The following KAZN variants were observed in gnomAD, a reference collection of about 807,000 sequenced individuals.
The protein encoded by KAZN is kazrin, periplakin interacting protein.
KAZN carries 40 observed loss-of-function variants against 87.4 expected under a neutral mutation model. The ratio of observed to expected loss-of-function variants is 0.46; its 90% confidence interval spans 0.36 to 0.60. KAZN has a LOEUF of 0.60. KAZN is among the 20% of genes least tolerant of loss of function. KAZN has a pLI of 0.00. For missense variants in KAZN, 898 were observed against 1,073.9 expected, an observed-to-expected ratio of 0.84 and a Z score of 2.29; for synonymous variants, 466 against 458.3, an observed-to-expected ratio of 1.02 and a Z score of -0.22.
intron 1 of KAZN, among the ~76,000 whole-genome samples, chr1:14,108,871 C>A (rs10928010): frequency 6.6e-6 from 1 of 152,000 alleles, no homozygotes; most frequent in Non-Finnish European, 1.5e-5. Context: ...CACACAGCTA[C>A]GCCTGTGCCA....
chr1:14,249,391 G>A (rs1235855512), intron 2 of KAZN, among the ~76,000 whole-genome samples: 2 of 152,312 alleles, frequency 1.3e-5, no homozygotes, highest in East Asian at 1.9e-4. Flanking sequence ...ATTATTCAGA[G>A]AAATTATCGT....
rs921396635 is a variant in KAZN, at chr1:14,005,477, T to A, written c.91+111721T>A. On this transcript the variant is annotated intron_variant, in intron 1 of 16. Transcript: ENST00000636203. ...TGGAGGTTATTGGGCAGGGAGGATGTGAAGAACATACACTTGGAGTTGAGG... is the reference window on the plus strand; with the variant it reads ...TGGAGGTTATTGGGCAGGGAGGATGAGAAGAACATACACTTGGAGTTGAGG... 1.5e-4 allele frequency among the ~76,000 whole-genome samples: 23 copies of A among 152,156 alleles called. 1 individual carries two copies. The highest frequency in any genetic ancestry group is 4.4e-5 in the Non-Finnish European group (3 of 68,028).
chr1:14,095,968 G>A (rs576099071), intron 1 of KAZN, among the ~76,000 whole-genome samples: 27 of 152,180 alleles, frequency 1.8e-4, no homozygotes, highest in Middle Eastern at 3.4e-3. Context: ...CTATGCATAG[G>A]AGAGAGTTCT....
At chr1:14,770,124 G>A (rs1186542242) in intron 1 of KAZN, among the ~76,000 whole-genome samples, 2 of 151,962 alleles carry the variant, frequency 1.3e-5, no homozygotes, top group Non-Finnish European at 2.9e-5. Context: ...GACATGGTTG[G>A]GGTCCGGATC....
intron 2 of KAZN, among the ~76,000 whole-genome samples, chr1:14,210,533 A>G (rs187383643): frequency 6.6e-6 from 1 of 152,304 alleles, no homozygotes; most frequent in East Asian, 1.9e-4. Context: ...CCTAATGAAT[A>G]TATTAATTAA....
chr1:14,305,962 T>G (rs1379242199), intron 2 of KAZN, among the ~76,000 whole-genome samples: 1 of 152,098 alleles, frequency 6.6e-6, no homozygotes, highest in African/African-American at 2.4e-5. Context: ...CCATGAGAGT[T>G]TAGAAAACAC....
chr1:14,261,045 AC>A (rs1451639380), intron 2 of KAZN, among the ~76,000 whole-genome samples: 2 of 152,260 alleles, frequency 1.3e-5, no homozygotes, highest in African/African-American at 4.8e-5. Context: ...TGATTTTAAT[AC>A]ATGTCTTAGG....
At chr1:14,864,713 C>T (rs909902657) in intron 1 of KAZN, among the ~76,000 whole-genome samples, 1 of 152,158 alleles carries the variant, frequency 6.6e-6, no homozygotes, top group African/African-American at 2.4e-5. Flanking sequence ...CCAACAGCAT[C>T]TGGCAACATC....
chr1:14,609,065 G>A (rs900577698), intron 1 of KAZN, among the ~76,000 whole-genome samples: 6 of 152,142 alleles, frequency 3.9e-5, no homozygotes, highest in Admixed American at 1.3e-4. Context: ...ACCATAGAGC[G>A]TGACAAATGA....
At chr1:14,977,578 T>C (rs1665776939) in intron 2 of KAZN, among the ~76,000 whole-genome samples, 2 of 152,250 alleles carry the variant, frequency 1.3e-5, no homozygotes, top group African/African-American at 2.4e-5. Flanking sequence ...GCTGGAGAAT[T>C]CATGTGCCTG....
rs147004626 is a variant in KAZN, at chr1:14,893,262, A to T, written c.227-67422A>T. On this transcript the variant is annotated intron_variant, in intron 1 of 14. Coordinates refer to ENST00000376030, the MANE Select transcript of KAZN (RefSeq NM_201628.3). ...GTGCCTGTAATCCCAGCCACTTGGG[A>T]GGCTGAGGCAGAAGAATCTCTGGAG... 3.9e-3 allele frequency among the ~76,000 whole-genome samples: 593 copies of T among 152,264 alleles called. 17 individuals carry two copies. In the South Asian group the frequency reaches 0.05, roughly 13 times the overall value.
intron 1 of KAZN, among the ~76,000 whole-genome samples, chr1:14,131,009 C>A (rs1435099395): frequency 6.6e-6 from 1 of 152,180 alleles, no homozygotes; most frequent in Non-Finnish European, 1.5e-5. Flanking sequence ...CCTGGTTTTG[C>A]AGGCTGTACA....
chr1:14,461,923 A>G (rs1266492372), intron 2 of KAZN, among the ~76,000 whole-genome samples: 2 of 151,848 alleles, frequency 1.3e-5, no homozygotes, highest in Non-Finnish European at 2.9e-5. Context: ...CCCTTGGGAA[A>G]ACAAAAATAT....
intron 2 of KAZN, among the ~76,000 whole-genome samples, chr1:15,030,124 C>T (rs556443306): frequency 3.3e-5 from 5 of 152,312 alleles, no homozygotes; most frequent in Non-Finnish European, 7.4e-5. Context: ...CTCACCCATG[C>T]ACCTGCCTCT....
At chr1:14,351,866 G>A (rs1658576657) in intron 2 of KAZN, among the ~76,000 whole-genome samples, 1 of 152,156 alleles carries the variant, frequency 6.6e-6, no homozygotes, top group African/African-American at 2.4e-5. Context: ...TTGCTTAGTG[G>A]CTCATTTATT....
chr1:14,450,342 A>G lies in KAZN; in HGVS notation c.250-148641A>G, dbSNP rs185557450. ...AGTGGCTCATGCCTGTAATCCCAAC[A>G]CTTTCGGAGGCCGAAGCGGGTAGAT... On this transcript the variant is annotated intron_variant, in intron 2 of 16. Transcript: ENST00000636203. Among the ~76,000 whole-genome samples, 4 of 152,232 alleles carry G rather than the reference A, an allele frequency of 2.6e-5. No homozygotes were observed. In the East Asian group the frequency reaches 7.7e-4, roughly 29 times the overall value.
At chr1:14,190,346 C>T (rs1360471961) in intron 2 of KAZN, among the ~76,000 whole-genome samples, 1 of 152,054 alleles carries the variant, frequency 6.6e-6, no homozygotes, top group East Asian at 1.9e-4. Flanking sequence ...TCATTTAATA[C>T]CCCCGGTGAC....
chr1:15,084,635 A>G (rs570873147), intron 8 of KAZN, among the ~76,000 whole-genome samples: 3 of 152,236 alleles, frequency 2.0e-5, no homozygotes, highest in Non-Finnish European at 4.4e-5. Flanking sequence ...AGCAAAGTGG[A>G]AGAACAGAGC....
In KAZN at chr1:14,036,398, C is replaced by T. The variant is rs775933554; in HGVS notation, c.91+142642C>T. Among the ~76,000 whole-genome samples, 15 of 152,150 alleles carry T rather than the reference C, an allele frequency of 9.9e-5. 1 individual carries two copies. The highest frequency in any genetic ancestry group is 1.9e-4 in the East Asian group (1 of 5,194). On this transcript the variant is annotated intron_variant, in intron 1 of 16. Coordinates refer to the KAZN transcript ENST00000636203. The stretch of plus-strand genomic sequence containing the variant: ...GAATGTCTTCATGTTCTGCACAGGC[C>T]GGGTGAAGGTGTTATTCCATGGTTG...
Sources: allele counts gnomAD v4.1 joint callset (sites outside exome capture counted in the v4.1 genomes callset), GRCh38; gene constraint gnomAD v4.1.1; transcripts MANE v1.5; gene names NCBI Gene and HGNC (gene_info 2026-07-23, HGNC 2026-07-21).